TSPEAR: variants seen among roughly 807,000 people sequenced by gnomAD.
TSPEAR encodes thrombospondin-type laminin G domain and EAR repeat-containing protein.
TSPEAR carries 69 observed loss-of-function variants against 71.6 expected under a neutral mutation model. That is an observed-to-expected ratio of 0.96 (90% CI 0.79 to 1.18). TSPEAR has a LOEUF of 1.18. Among genes scored for constraint, TSPEAR ranks in the 50% most tolerant of loss-of-function variants. The probability of loss-of-function intolerance (pLI) is 0.00; values close to 1 mark genes in which losing one functional copy is unlikely to be tolerated. For synonymous variants in TSPEAR, 402 were observed against 387.2 expected (o/e 1.04, Z -0.45); for missense variants, 971 against 894.9 (o/e 1.09, Z -1.09).
intron 1 of TSPEAR, chr21:44,601,059 C>A (rs587747240): frequency 6.2e-7 from 1 of 1,611,080 alleles, no homozygotes; most frequent in African/African-American, 1.4e-5. Flanking sequence ...CAGCTTGCTG[C>A]ACCTCCTCCC....
At chr21:44,670,700 A>T (rs587596257) in intron 1 of TSPEAR, among the ~76,000 whole-genome samples, 1 of 152,326 alleles carries the variant, frequency 6.6e-6, no homozygotes, top group South Asian at 2.1e-4. Context: ...GCATTGCTCC[A>T]GAGAAAGAGC....
At chr21:44,691,487 G>A (rs1181790037) in intron 1 of TSPEAR, among the ~76,000 whole-genome samples, 1 of 152,152 alleles carries the variant, frequency 6.6e-6, no homozygotes, top group Admixed American at 6.6e-5. Context: ...AAAAATGCAT[G>A]AGGACATTAT....
At chr21:44,540,216 G>T (rs1022333240) in intron 2 of TSPEAR, 37 of 1,578,884 alleles carry the variant, frequency 2.3e-5, no homozygotes, top group Non-Finnish European at 2.9e-5. Flanking sequence ...CAGTGTGTGT[G>T]TGAGTGACTG....
intron 1 of TSPEAR, among the ~76,000 whole-genome samples, chr21:44,689,739 A>ATATATTTTTTTTTTTTTTTT (rs1555949531): frequency 7.8e-6 from 1 of 128,176 alleles, no homozygotes; most frequent in African/African-American, 3.2e-5. Flanking sequence ...ATATATATAT[A>ATATATTTTTTTTTTTTTTTT]TTTTGGGGGG....
chr21:44,697,950 C>T (rs782800038), intron 1 of TSPEAR: 1 of 1,606,108 alleles, frequency 6.2e-7, no homozygotes, highest in Non-Finnish European at 8.5e-7. Context: ...GGCCTCTGCT[C>T]AGGCCAGAAG....
chr21:44,588,773 A>G (rs1007750410), intron 1 of TSPEAR, among the ~76,000 whole-genome samples: 1 of 117,450 alleles, frequency 8.5e-6, no homozygotes, highest in Non-Finnish European at 1.9e-5. Context: ...GTGTATATAT[A>G]TGTATGTGTG....
At chr21:44,637,718 G>T in intron 1 of TSPEAR, 2 of 1,236,418 alleles carry the variant, frequency 1.6e-6, no homozygotes, top group South Asian at 1.6e-5. Context: ...TGTCTGCTGT[G>T]TGCCCGTCTG....
intron 8 of TSPEAR, among the ~76,000 whole-genome samples, chr21:44,523,393 A>G (rs2052776795): frequency 7.1e-6 from 1 of 140,662 alleles, no homozygotes; most frequent in Admixed American, 6.8e-5. Flanking sequence ...TTGGTCAGTC[A>G]GTTAGGTAGT....
chr21:44,580,644 T>C, intron 1 of TSPEAR: 1 of 1,505,432 alleles, frequency 6.6e-7, no homozygotes, highest in Non-Finnish European at 9.1e-7. Context: ...TGTGAGTGAG[T>C]GAAGGAGGGA....
intron 6 of TSPEAR, among the ~76,000 whole-genome samples, chr21:44,528,005 G>T (rs1169175945): frequency 2.0e-5 from 3 of 152,154 alleles, no homozygotes; most frequent in Non-Finnish European, 4.4e-5. Context: ...AGCAGACAGG[G>T]AGGGTGTGGG....
chr21:44,514,113 C>T lies in TSPEAR; in HGVS notation c.1567-4727G>A, dbSNP rs185198467. On this transcript the variant is annotated intron_variant, in intron 9 of 11. Coordinates refer to ENST00000323084, the MANE Select transcript of TSPEAR (RefSeq NM_144991.3). ...GTCATGGGGCATAGCTGCCACCTTC[C>T]TGGAGCCCTCCCGCCCAGGCTCTGC... Among the ~76,000 whole-genome samples the T allele has an allele frequency of 5.3e-3, 800 of 152,328 alleles. 12 individuals are homozygous for T. Among genetic ancestry groups the T allele is most frequent in the African/African-American group, 0.018 (765 of 41,578 alleles).
intron 1 of TSPEAR, among the ~76,000 whole-genome samples, chr21:44,704,752 T>C (rs530036714): frequency 4.6e-5 from 7 of 152,294 alleles, no homozygotes; most frequent in Non-Finnish European, 8.8e-5. Context: ...CACTCAGCCA[T>C]GCGCTGCCTC....
chr21:44,531,813 G>A (rs587593923), intron 3 of TSPEAR, among the ~76,000 whole-genome samples: 63 of 152,344 alleles, frequency 4.1e-4, no homozygotes, highest in African/African-American at 1.5e-3. Context: ...AGGAGCAGGC[G>A]GTCTTGACGA....
intron 1 of TSPEAR, chr21:44,677,128 A>T (rs1369289423): frequency 1.8e-5 from 13 of 714,876 alleles, no homozygotes; most frequent in Non-Finnish European, 3.4e-5. Flanking sequence ...CACATTATCC[A>T]GATCAACTAT....
chr21:44,701,146 T>C (rs1436059939), intron 1 of TSPEAR, among the ~76,000 whole-genome samples: 2 of 152,222 alleles, frequency 1.3e-5, no homozygotes, highest in Non-Finnish European at 2.9e-5. Context: ...CACATCATTA[T>C]TGTACATATC....
At chr21:44,624,205 T>C (rs968429029) in intron 1 of TSPEAR, among the ~76,000 whole-genome samples, 25 of 152,254 alleles carry the variant, frequency 1.6e-4, no homozygotes, top group African/African-American at 5.8e-4. Context: ...ATCTACTTAG[T>C]TCTTAATTTC....
chr21:44,612,853 C>CCCCGCGTGCT lies in TSPEAR; in HGVS notation c.83-44858_83-44849dup, dbSNP rs782618226. On this transcript the variant is annotated intron_variant, in intron 1 of 11. Coordinates refer to ENST00000323084, the MANE Select transcript of TSPEAR (RefSeq NM_144991.3). This position sits in a 1 kb window ranked among gnomAD's most constrained non-coding sequence, Gnocchi z 4.1. The stretch of plus-strand genomic sequence containing the variant: ...CCTCCTGCCTGTCCTTCCTCTGCCG[C>CCCCGCGTGCT]CCCGCGTGCTCCCGCCTGGCCTGCT... 51 of 1,612,386 alleles carry CCCCGCGTGCT rather than the reference C, an allele frequency of 3.2e-5. No homozygotes were observed. Among genetic ancestry groups the CCCCGCGTGCT allele is most frequent in the Non-Finnish European group, 4.2e-5 (49 of 1,179,832 alleles).
chr21:44,551,049 T>G, intron 2 of TSPEAR: 1 of 1,609,786 alleles, frequency 6.2e-7, no homozygotes, highest in Non-Finnish European at 8.5e-7. Flanking sequence ...GCAGGACTGC[T>G]GGCAGGAGGA....
chr21:44,610,186 G>T (rs1981567464), intron 1 of TSPEAR, among the ~76,000 whole-genome samples: 1 of 152,236 alleles, frequency 6.6e-6, no homozygotes, highest in African/African-American at 2.4e-5. Flanking sequence ...ATTCAAGCCG[G>T]ATGCAGAAAT....
Sources: gnomAD v4.1 joint callset for allele counts (sites outside exome capture counted in the v4.1 genomes callset) on GRCh38, gnomAD v4.1.1 for gene constraint, Gnocchi (gnomAD v3.1) non-coding constraint, MANE v1.5 for transcripts, NCBI Gene and HGNC (gene_info 2026-07-23, HGNC 2026-07-21) for gene names.